Variants in MKLN1 observed in about 807,000 individuals in gnomAD.
MKLN1 encodes muskelin.
A neutral mutation model predicts 99.0 loss-of-function variants in MKLN1; 18 were observed. The observed-to-expected ratio is 0.18, with a 90% CI of 0.13 to 0.27. The LOEUF (loss-of-function observed/expected upper bound fraction) is 0.27. MKLN1 is among the 10% of genes least tolerant of loss of function. The pLI, the probability that MKLN1 is intolerant of heterozygous loss-of-function variation, is 1.00. For synonymous variants in MKLN1, 288 were observed against 293.2 expected, an observed-to-expected ratio of 0.98 and a Z score of 0.18; for missense variants, 621 against 875.9, an observed-to-expected ratio of 0.71 and a Z score of 3.67.
At chr7:131,390,815 C>T (rs749056265) in intron 4 of MKLN1, among the ~76,000 whole-genome samples, 47 of 152,098 alleles carry the variant, frequency 3.1e-4, no homozygotes, top group African/African-American at 8.2e-4. Flanking sequence ...CCAACAGCCA[C>T]GCATTTCTCT....
intron 3 of MKLN1, among the ~76,000 whole-genome samples, chr7:131,388,285 T>C (rs1278355288): frequency 6.6e-6 from 1 of 152,218 alleles, no homozygotes; most frequent in Non-Finnish European, 1.5e-5. Context: ...TTTCAGGAAA[T>C]GTAAAGCAAC....
At chr7:131,345,629 A>G (rs1490506281) in intron 1 of MKLN1, among the ~76,000 whole-genome samples, 2 of 152,158 alleles carry the variant, frequency 1.3e-5, no homozygotes, top group Admixed American at 6.5e-5. Flanking sequence ...CTTGAGGATC[A>G]CTTGAGCCCA....
At chr7:131,425,292 C>CTTTTTTTT (rs34068431) in intron 8 of MKLN1, among the ~76,000 whole-genome samples, 1 of 148,854 alleles carries the variant, frequency 6.7e-6, no homozygotes, top group Non-Finnish European at 1.5e-5. Context: ...GAAAAGCCCT[C>CTTTTTTTT]TTTTTTTTTT....
At chr7:131,227,019 C>T (rs1797157731) in intron 3 of MKLN1, among the ~76,000 whole-genome samples, 1 of 152,174 alleles carries the variant, frequency 6.6e-6, no homozygotes, top group Admixed American at 6.6e-5. Flanking sequence ...CCAGAATTCC[C>T]CATTTCATGC....
At chr7:131,177,418 A>G (rs542125946) in intron 2 of MKLN1, among the ~76,000 whole-genome samples, 73 of 151,626 alleles carry the variant, frequency 4.8e-4, no homozygotes, top group Non-Finnish European at 8.1e-4. Flanking sequence ...GCAGTGAGCC[A>G]AGATTGTGCC....
chr7:131,418,090 C>T (rs572113874), intron 8 of MKLN1, among the ~76,000 whole-genome samples: 1 of 152,044 alleles, frequency 6.6e-6, no homozygotes, highest in African/African-American at 2.4e-5. Flanking sequence ...TAGAGATGGC[C>T]GGGCACGGTG....
chr7:131,147,217 AT>A (rs71168371), intron 2 of MKLN1, among the ~76,000 whole-genome samples: 39,941 of 136,116 alleles, frequency 0.29, 6,785 homozygotes, highest in Non-Finnish European at 0.43. Context: ...ACACCCAGCT[AT>A]TTTTTTTTTT....
At chr7:131,473,313 T>G (rs910940958) in intron 16 of MKLN1, among the ~76,000 whole-genome samples, 2 of 152,196 alleles carry the variant, frequency 1.3e-5, no homozygotes, top group African/African-American at 4.8e-5. Flanking sequence ...ACATTTAATG[T>G]TATTAAATGA....
chr7:131,412,014 G>C (rs1237691961), intron 7 of MKLN1, among the ~76,000 whole-genome samples: 1 of 151,494 alleles, frequency 6.6e-6, no homozygotes, highest in Non-Finnish European at 1.5e-5. Context: ...TTGAGCCTGG[G>C]AGGTCAAGGC....
chr7:131,113,721 C>T (rs1242307768), intron 1 of MKLN1, among the ~76,000 whole-genome samples: 1 of 151,628 alleles, frequency 6.6e-6, no homozygotes, highest in Non-Finnish European at 1.5e-5. Context: ...CCTGTAGTCC[C>T]AGCTCCTCAG....
intron 3 of MKLN1, among the ~76,000 whole-genome samples, chr7:131,272,040 G>A (rs540702159): frequency 1.5e-4 from 23 of 152,316 alleles, no homozygotes; most frequent in Non-Finnish European, 3.1e-4. Context: ...AGTGGAATGT[G>A]AGCAGAAGTG....
chr7:131,191,153 G>A (rs1369754299), intron 2 of MKLN1, among the ~76,000 whole-genome samples: 1 of 152,200 alleles, frequency 6.6e-6, no homozygotes, highest in East Asian at 1.9e-4. Flanking sequence ...GCCCCCGTGG[G>A]GTTGTTTGCT....
intron 3 of MKLN1, among the ~76,000 whole-genome samples, chr7:131,271,957 C>T (rs1159860404): frequency 2.0e-5 from 3 of 151,992 alleles, no homozygotes; most frequent in Non-Finnish European, 4.4e-5. Flanking sequence ...CACAGTATTA[C>T]GTTTATGGAA....
intron 2 of MKLN1, among the ~76,000 whole-genome samples, chr7:131,168,861 G>A (rs995051341): frequency 4.2e-5 from 6 of 143,666 alleles, no homozygotes; most frequent in African/African-American, 1.5e-4. Flanking sequence ...AATTTAAATC[G>A]TTGTTTTCTT....
chr7:131,177,086 AAC>A (rs1295052034), intron 2 of MKLN1, among the ~76,000 whole-genome samples: 5 of 152,244 alleles, frequency 3.3e-5, no homozygotes, highest in Non-Finnish European at 7.3e-5. Flanking sequence ...CAAGCTGTAG[AAC>A]AGACTGTTTC....
chr7:131,458,553 C>T (rs918450535), intron 12 of MKLN1, among the ~76,000 whole-genome samples: 13 of 152,100 alleles, frequency 8.5e-5, no homozygotes, highest in South Asian at 6.2e-4. Flanking sequence ...ACTAAAATGT[C>T]ATATACAAGG....
chr7:131,122,213 A>G (rs1795383638), intron 1 of MKLN1, among the ~76,000 whole-genome samples: 1 of 152,266 alleles, frequency 6.6e-6, no homozygotes, highest in South Asian at 2.1e-4. Flanking sequence ...AAAGGCAGAC[A>G]TGCAGAAAGA....
intron 11 of MKLN1, among the ~76,000 whole-genome samples, chr7:131,444,730 T>G (rs201860692): frequency 2.8e-5 from 1 of 35,422 alleles, no homozygotes; most frequent in Admixed American, 2.3e-4. Context: ...GTAGTAGTAG[T>G]AGTAGTAGTA....
rs1796975686 is a variant in MKLN1, at chr7:131,215,970, A to G, written c.-179+12996A>G. ...GTTTACCACCCGCTCCCCTCACTCC[A>G]TGCAGGTCACTGTTAGTTCCCTTTA... On this transcript the variant is annotated intron_variant, in intron 3 of 7. Coordinates refer to the MKLN1 transcript ENST00000416992. 1.3e-5 allele frequency among the ~76,000 whole-genome samples: 2 copies of G among 152,120 alleles called. 1 individual carries two copies. The highest frequency in any genetic ancestry group is 4.1e-4 in the South Asian group (2 of 4,830).
Sources: gnomAD v4.1 joint callset for allele counts (sites outside exome capture counted in the v4.1 genomes callset) on GRCh38, gnomAD v4.1.1 for gene constraint, MANE v1.5 for transcripts, NCBI Gene and HGNC (gene_info 2026-07-23, HGNC 2026-07-21) for gene names.